The following NFIB variants were observed in gnomAD, a reference collection of about 807,000 sequenced individuals.
The protein encoded by NFIB is nuclear factor I B, also known as nuclear factor 1 B-type.
A neutral mutation model predicts 61.5 loss-of-function variants in NFIB; 11 were observed. The observed-to-expected ratio is 0.18, with a 90% CI of 0.11 to 0.30. The LOEUF (loss-of-function observed/expected upper bound fraction) is 0.30, where lower values mean the gene tolerates loss of function less well. Ranked by LOEUF, NFIB falls within the 10% of genes least tolerant of loss-of-function variation. The pLI, the probability that NFIB is intolerant of heterozygous loss-of-function variation, is 1.00. For missense variants in NFIB, 471 were observed against 608.9 expected, an observed-to-expected ratio of 0.77 and a Z score of 2.38; for synonymous variants, 260 against 216.5, an observed-to-expected ratio of 1.20 and a Z score of -1.76.
At position 14,249,491 on chromosome 9, in the gene NFIB, C is replaced by T. The variant is rs79200019; in HGVS notation, c.562+57498G>A. On this transcript the variant is annotated intron_variant, in intron 2 of 10. Coordinates refer to ENST00000380953, the MANE Select transcript of NFIB (RefSeq NM_001190737.2). The stretch of plus-strand genomic sequence containing the variant: ...TTCATTCTACTTTTTTTTAAGATTG[C>T]GTCTCACTGTTGCCTAGGCTAAAGT... 6.1e-3 allele frequency among the ~76,000 whole-genome samples: 923 copies of T among 152,158 alleles called. 13 individuals carry two copies. Among genetic ancestry groups the T allele is most frequent in the African/African-American group, 0.021 (856 of 41,500 alleles).
intron 5 of NFIB, among the ~76,000 whole-genome samples, chr9:14,148,067 C>T (rs2042463736): frequency 6.6e-6 from 1 of 152,060 alleles, no homozygotes; most frequent in Non-Finnish European, 1.5e-5. Context: ...CATATGCCCC[C>T]ACCAATAAAG....
At chr9:14,103,940 G>C (rs1359589131) in intron 10 of NFIB, among the ~76,000 whole-genome samples, 1 of 148,502 alleles carries the variant, frequency 6.7e-6, no homozygotes, top group African/African-American at 2.5e-5. Context: ...TTTTTTTTGA[G>C]ACAGTCTCAC....
chr9:14,086,470 T>G lies in NFIB; in HGVS notation c.*1839A>C, dbSNP rs2118419929. On this transcript the variant is annotated 3_prime_UTR_variant, in exon 11 of 11. Coordinates refer to ENST00000380953, the MANE Select transcript of NFIB (RefSeq NM_001190737.2). ...TAGGCAAAACTTGGTATTGCATAAT[T>G]CGTATAAATTTGAAACCCCTCCCCC... The G allele has an allele frequency of 4.6e-6, 1 of 216,838 alleles. No individual in the cohort carries two copies. The highest frequency in any genetic ancestry group is 6.8e-5 in the East Asian group (1 of 14,652). 13.4% of individuals were successfully genotyped at this position (216,838 alleles called of 1,614,324 possible).
chr9:14,413,094 TC>T, the NFIB span, among the ~76,000 whole-genome samples: 94 of 152,258 alleles, frequency 6.2e-4, 1 homozygote, highest in South Asian at 5.8e-3. Context: ...TGAACTGCCT[TC>T]CCATCATGCT....
chr9:14,462,023 T>C, the NFIB span, among the ~76,000 whole-genome samples: 15 of 152,336 alleles, frequency 9.8e-5, no homozygotes, highest in African/African-American at 3.4e-4. Context: ...AGAAGACTGA[T>C]TGGGAACCTC....
At chr9:14,092,735 T>C (rs538301142) in intron 10 of NFIB, among the ~76,000 whole-genome samples, 1 of 152,172 alleles carries the variant, frequency 6.6e-6, no homozygotes, top group Non-Finnish European at 1.5e-5. Flanking sequence ...ATTCTATGTA[T>C]TCATCTCCTC....
upstream of NFIB, among the ~76,000 whole-genome samples, chr9:14,315,649 C>T (rs1359154505): frequency 2.0e-5 from 3 of 149,284 alleles, no homozygotes; most frequent in African/African-American, 7.3e-5. Flanking sequence ...GCCCCGCCCC[C>T]ACCCCGTCGC....
Position 14,307,479 on chromosome 9 carries a change from G to C in NFIB, c.72C>G (p.Val24=). Residue 24 remains valine (V), a synonymous_variant, in exon 2 of 11, where the codon GTC becomes GTG. Transcript: ENST00000380953. The surrounding 1 kb of genome is among the most constrained non-coding windows in gnomAD (Gnocchi z 5.3). Reference sequence around the variant, plus strand: ...TGAACCAAGTATAGGCAATTGCACGGACATGTGGAAGAAGTGCCTCGATGA... The same window carrying C: ...TGAACCAAGTATAGGCAATTGCACGCACATGTGGAAGAAGTGCCTCGATGA... The part of the protein sequence containing the change: ...HPFIEALLPH[V]RAIAYTWFNL... 6.2e-7 allele frequency: 1 copy of C among 1,612,420 alleles called. No homozygotes were observed. The highest frequency in any genetic ancestry group is 8.5e-7 in the Non-Finnish European group (1 of 1,179,008).
intron 2 of NFIB, among the ~76,000 whole-genome samples, chr9:14,295,676 T>C (rs1311835030): frequency 6.6e-6 from 1 of 151,324 alleles, no homozygotes; most frequent in Non-Finnish European, 1.5e-5. Context: ...CACTATCCCA[T>C]CTAGCCACAT....
chr9:14,229,047 G>C (rs1402350394), intron 2 of NFIB, among the ~76,000 whole-genome samples: 1 of 149,940 alleles, frequency 6.7e-6, no homozygotes, highest in South Asian at 2.1e-4. Context: ...AAAAACAGTA[G>C]TAGAGAAATT....
chr9:14,207,498 G>C (rs1007316209), intron 2 of NFIB, among the ~76,000 whole-genome samples: 1 of 152,192 alleles, frequency 6.6e-6, no homozygotes, highest in Non-Finnish European at 1.5e-5. Flanking sequence ...CCCATAGCAT[G>C]CCACAAATTG....
Position 14,120,732 on chromosome 9 carries a change from T to C in NFIB, c.1061-108A>G. 8.5e-7 allele frequency: 1 copy of C among 1,171,666 alleles called. No homozygotes were observed. The highest frequency in any genetic ancestry group is 1.2e-6 in the Non-Finnish European group (1 of 850,248). 72.6% of individuals were successfully genotyped at this position (1,171,666 alleles called of 1,614,324 possible). A position where few individuals can be genotyped will look rare whatever the true frequency, so the allele number is the denominator to read the frequency against. ...CTACAAAACTGGTAACCATTCATTT[T>C]TGTCCCCATGATTTAACCAAGCTCT... is the stretch of plus-strand genomic sequence containing the variant. On this transcript the variant is annotated intron_variant, in intron 7 of 10. Transcript: ENST00000380953. This position sits in a 1 kb window ranked among gnomAD's most constrained non-coding sequence, Gnocchi z 4.4.
intron 2 of NFIB, among the ~76,000 whole-genome samples, chr9:14,180,483 C>A (rs988373839): frequency 1.3e-5 from 2 of 152,142 alleles, no homozygotes; most frequent in African/African-American, 4.8e-5. Flanking sequence ...ATCTGAATTT[C>A]CTACCCCATA....
chr9:14,296,134 T>G (rs2132599289), intron 2 of NFIB, among the ~76,000 whole-genome samples: 1 of 152,334 alleles, frequency 6.6e-6, no homozygotes, highest in South Asian at 2.1e-4. Flanking sequence ...ATGATGACCC[T>G]CTGCTTCATA....
intron 8 of NFIB, among the ~76,000 whole-genome samples, chr9:14,119,342 A>C (rs2038616116): frequency 6.6e-6 from 1 of 152,200 alleles, no homozygotes; most frequent in Non-Finnish European, 1.5e-5. Flanking sequence ...CTTCAAATTC[A>C]AAATTCAATA....
At chr9:14,372,301 T>A (rs2061367344) in intron 1 of NFIB, among the ~76,000 whole-genome samples, 1 of 152,204 alleles carries the variant, frequency 6.6e-6, no homozygotes, top group Non-Finnish European at 1.5e-5. Flanking sequence ...AAAACTCTCT[T>A]CCAGCTTAAG....
chr9:14,224,582 C>T (rs934037113), intron 2 of NFIB, among the ~76,000 whole-genome samples: 3 of 152,326 alleles, frequency 2.0e-5, no homozygotes, highest in African/African-American at 4.8e-5. Context: ...GAGTACTATG[C>T]TGAATCCACT....
intron 9 of NFIB, among the ~76,000 whole-genome samples, chr9:14,115,231 C>A (rs1390197024): frequency 6.6e-6 from 1 of 151,424 alleles, no homozygotes; most frequent in East Asian, 1.9e-4. Flanking sequence ...GTGCATGCCT[C>A]TGATTGTCTC....
At chr9:14,294,912 G>C (rs542127238) in intron 2 of NFIB, among the ~76,000 whole-genome samples, 4 of 152,180 alleles carry the variant, frequency 2.6e-5, no homozygotes, top group African/African-American at 9.7e-5. Context: ...GTGCAGTTCA[G>C]TGGCCGTAGG....
Sources: gnomAD v4.1 joint callset for allele counts (sites outside exome capture counted in the v4.1 genomes callset) on GRCh38, gnomAD v4.1.1 for gene constraint, Gnocchi (gnomAD v3.1) non-coding constraint, MANE v1.5 for transcripts, NCBI Gene and HGNC (gene_info 2026-07-23, HGNC 2026-07-21) for gene names.